CFAP47: variants seen among roughly 807,000 people sequenced by gnomAD.
CFAP47 encodes cilia- and flagella-associated protein 47.
Under a neutral mutation model 148.1 loss-of-function variants are expected in CFAP47, and 29 were observed. The observed-to-expected ratio is 0.20, with a 90% CI of 0.15 to 0.27. The LOEUF is 0.27. CFAP47 is among the 10% of genes least tolerant of loss of function. The pLI, the probability that CFAP47 is intolerant of heterozygous loss-of-function variation, is 1.00. For missense variants in CFAP47, 1,872 were observed against 1,697.5 expected, an observed-to-expected ratio of 1.10 and a Z score of -1.81; for synonymous variants, 664 against 577.3, an observed-to-expected ratio of 1.15 and a Z score of -2.15.
rs368250675 is a variant in CFAP47 at position 35,919,913 on chromosome X, G to A, written c.114G>A (p.Met38Ile). The A allele has an allele frequency of 2.9e-5, 35 of 1,209,119 alleles. No individual in the cohort carries two copies. The Admixed American group carries it at 5.3e-4, about 18-fold the overall frequency. Residue 38 changes from methionine to isoleucine, a missense_variant, in exon 1 of 64, where the codon ATG (methionine) becomes ATA (isoleucine). Coordinates refer to ENST00000378653, the MANE Select transcript of CFAP47 (RefSeq NM_001304548.2). ...PRDMDSSGRD[M>I]QLRVIPAEVK... Reference sequence around the variant, plus strand: ...ATATGGATAGCTCGGGTAGAGACATGCAGCTGCGGGTGATCCCGGCTGAGG... The same window carrying A: ...ATATGGATAGCTCGGGTAGAGACATACAGCTGCGGGTGATCCCGGCTGAGG...
At chrX:35,926,801 T>C (rs1935747889) in intron 2 of CFAP47, among the ~76,000 whole-genome samples, 1 of 111,018 alleles carries the variant, frequency 9.0e-6, no homozygotes, top group African/African-American at 3.3e-5. Context: ...TGGAATATTT[T>C]CTGCGGATTA....
intron 39 of CFAP47, among the ~76,000 whole-genome samples, chrX:36,171,873 A>G (rs1280748488): frequency 9.1e-6 from 1 of 109,293 alleles, no homozygotes; most frequent in Admixed American, 9.8e-5. Context: ...CATTGAATCT[A>G]TAAATTACCT....
intron 2 of CFAP47, among the ~76,000 whole-genome samples, chrX:35,940,843 A>G (rs5973551): frequency 0.067 from 7,520 of 111,509 alleles, 663 homozygotes; most frequent in African/African-American, 0.23. Context: ...ATTTTTACAA[A>G]CTTGTAGGAA....
intron 48 of CFAP47, among the ~76,000 whole-genome samples, chrX:36,242,489 C>T (rs139953820): frequency 4.7e-3 from 525 of 112,027 alleles, no homozygotes; most frequent in African/African-American, 0.017. Flanking sequence ...AAAAACCAAA[C>T]TGAACGTCTG....
At chrX:35,975,508 A>T in intron 14 of CFAP47, 145 bp downstream of exon 14, 1 of 637,629 alleles carries the variant, frequency 1.6e-6, no homozygotes, top group Non-Finnish European at 2.4e-6. Flanking sequence ...TTAGATATAT[A>T]GATTGATAGT....
chrX:36,069,395 G>T (rs1183305032), intron 27 of CFAP47, among the ~76,000 whole-genome samples: 1 of 109,333 alleles, frequency 9.1e-6, no homozygotes, highest in Non-Finnish European at 1.9e-5. Context: ...ATTAATTACT[G>T]GGCAATAAAT....
At chrX:36,370,068 A>G (rs1941915346) in intron 62 of CFAP47, among the ~76,000 whole-genome samples, 1 of 111,821 alleles carries the variant, frequency 8.9e-6, no homozygotes, top group African/African-American at 3.2e-5. Flanking sequence ...AAGTTACAGA[A>G]GAAGGTGAAT....
At chrX:36,334,220 G>A (rs1221650084) in intron 57 of CFAP47, among the ~76,000 whole-genome samples, 3 of 110,814 alleles carry the variant, frequency 2.7e-5, no homozygotes, top group Non-Finnish European at 5.7e-5. Context: ...AAAAATACAG[G>A]CTACAGGCAA....
At chrX:36,069,603 G>C (rs1480879390) in intron 27 of CFAP47, among the ~76,000 whole-genome samples, 2 of 110,936 alleles carry the variant, frequency 1.8e-5, no homozygotes, top group African/African-American at 6.6e-5. Flanking sequence ...ATGCTTACCA[G>C]GTATATGGTG....
intron 57 of CFAP47, among the ~76,000 whole-genome samples, chrX:36,321,090 C>A (rs188501582): frequency 9.0e-6 from 1 of 111,701 alleles, no homozygotes; most frequent in East Asian, 2.8e-4. Context: ...ATGTTTATTG[C>A]AGCACTATTC....
intron 42 of CFAP47, among the ~76,000 whole-genome samples, chrX:36,197,707 G>A (rs1362948352): frequency 8.9e-6 from 1 of 111,927 alleles, no homozygotes; most frequent in Non-Finnish European, 1.9e-5. Flanking sequence ...TATGAAAATT[G>A]TGTATTATGT....
At chrX:36,275,220 G>A (rs1556002477) in intron 49 of CFAP47, among the ~76,000 whole-genome samples, 2 of 109,180 alleles carry the variant, frequency 1.8e-5, no homozygotes, top group Non-Finnish European at 3.8e-5. Flanking sequence ...ACTACAGGCG[G>A]GTGCCACCAC....
chrX:36,145,009 T>G, intron 35 of CFAP47: 1 of 447,009 alleles, frequency 2.2e-6, no homozygotes, highest in Non-Finnish European at 3.7e-6. Flanking sequence ...CAGCCTACTG[T>G]GGGACTTCGC....
In CFAP47 at chrX:36,371,765, T is replaced by C. The variant is rs184092762; in HGVS notation, c.9185+4638T>C. Among the ~76,000 whole-genome samples the C allele has an allele frequency of 5.9e-4, 32 of 53,886 alleles. 8 individuals carry two copies. The highest frequency in any genetic ancestry group is 4.4e-3 in the African/African-American group (23 of 5,266). 46.8% of individuals were successfully genotyped at this position (53,886 alleles called of 115,157 possible). Reference sequence around the variant, plus strand: ...ATGTGTGTATATACACACATGTGTGTATATACACACATGTGTATATATGTG... The same window carrying C: ...ATGTGTGTATATACACACATGTGTGCATATACACACATGTGTATATATGTG... On this transcript the variant is annotated intron_variant, in intron 62 of 63. Coordinates refer to ENST00000378653, the MANE Select transcript of CFAP47 (RefSeq NM_001304548.2).
At chrX:36,313,669 A>C (rs1176014304) in intron 56 of CFAP47, among the ~76,000 whole-genome samples, 5 of 111,621 alleles carry the variant, frequency 4.5e-5, no homozygotes, top group Non-Finnish European at 9.4e-5. Context: ...TTAAAAAAAA[A>C]TTCTTAGGCA....
intron 37 of CFAP47, 99 bp from the exon 38 acceptor site, chrX:36,159,327 A>G (rs949710952): frequency 1.0e-5 from 3 of 289,636 alleles, no homozygotes; most frequent in African/African-American, 8.3e-5. Context: ...AGTACCTTGC[A>G]GGGGGATGTA....
chrX:36,085,369 A>G lies in CFAP47; in HGVS notation c.4747A>G (p.Arg1583Gly). The G allele has an allele frequency of 8.3e-7, 1 of 1,208,261 alleles. No homozygotes were observed. Among genetic ancestry groups the G allele is most frequent in the Non-Finnish European group, 1.1e-6 (1 of 893,111 alleles). Residue 1583 changes from arginine to glycine, a missense_variant, in exon 30 of 64, where the codon AGA (arginine) becomes GGA (glycine). By Grantham distance (125) the Arg-to-Gly change is moderately radical (BLOSUM62 -2). Coordinates refer to ENST00000378653, the MANE Select transcript of CFAP47 (RefSeq NM_001304548.2). ...AACCTCGCCACCCCAAAAGTTTTCC[A>G]GACAGAATGACTTTTCCAAATATAA... ...SSTSPPQKFSRQNDFSKYNKT... is the reference protein window; with the variant it reads ...SSTSPPQKFSGQNDFSKYNKT...
chrX:36,144,771 A>C, intron 35 of CFAP47: 1 of 1,026,272 alleles, frequency 9.7e-7, no homozygotes, highest in Non-Finnish European at 1.3e-6. Context: ...CCTTTGGAGC[A>C]GGATGCATTT....
rs1938347522 is a variant in CFAP47 at position 36,100,008 on chromosome X, T to C, written c.5127+129T>C. On this transcript the variant is annotated intron_variant, in intron 32 of 63. Transcript: ENST00000378653. The stretch of plus-strand genomic sequence containing the variant: ...CCTTAAATGAGAGATTTTTTTTTAT[T>C]GCTTTCTCATGGAACTGCTGAGATG... The C allele has an allele frequency of 3.1e-5, 12 of 383,863 alleles. No individual in the cohort carries two copies. The South Asian group carries it at 5.3e-4, about 17-fold the overall frequency. 31.6% of individuals were successfully genotyped at this position (383,863 alleles called of 1,213,427 possible).
Sources: allele counts gnomAD v4.1 joint callset (sites outside exome capture counted in the v4.1 genomes callset), GRCh38; gene constraint gnomAD v4.1.1; transcripts MANE v1.5; gene names NCBI Gene and HGNC (gene_info 2026-07-23, HGNC 2026-07-21).